Variants in SPOCK3 observed in about 807,000 individuals in gnomAD.
The protein encoded by SPOCK3 is testican-3.
A neutral mutation model predicts 56.6 loss-of-function variants in SPOCK3; 30 were observed. That is an observed-to-expected ratio of 0.53 (90% CI 0.40 to 0.72). The LOEUF is 0.72. SPOCK3 is among the 30% of genes least tolerant of loss of function. SPOCK3 has a pLI of 0.00. For missense variants in SPOCK3, 527 were observed against 530.0 expected (o/e 0.99, Z 0.06); for synonymous variants, 196 against 183.3 (o/e 1.07, Z -0.56).
chr4:166,856,073 A>C (rs545841003), intron 6 of SPOCK3, among the ~76,000 whole-genome samples: 1 of 152,302 alleles, frequency 6.6e-6, no homozygotes, highest in South Asian at 2.1e-4. Context: ...AGAAAGACAA[A>C]TATGGCATGA....
rs544600999 is a variant in SPOCK3, at chr4:166,957,168, C to A, written c.350+43181G>T. 3.3e-5 allele frequency among the ~76,000 whole-genome samples: 5 copies of A among 152,266 alleles called. No homozygotes were observed. The South Asian group carries it at 1.0e-3, about 32-fold the overall frequency. On this transcript the variant is annotated intron_variant, in intron 4 of 10. Transcript: ENST00000357545. Reference sequence around the variant, plus strand: ...TACTGGGAGGCTGAGGTGGGAGGATCACTTGAGCCTAGGAGGCAGAAGTGG... The same window carrying A: ...TACTGGGAGGCTGAGGTGGGAGGATAACTTGAGCCTAGGAGGCAGAAGTGG...
intron 2 of SPOCK3, among the ~76,000 whole-genome samples, chr4:167,104,201 C>T (rs1257417007): frequency 6.6e-6 from 1 of 152,086 alleles, no homozygotes; most frequent in African/African-American, 2.4e-5. Context: ...GCCATCAAGA[C>T]CATCCAGGAA....
At chr4:166,813,082 G>C (rs535583334) in intron 6 of SPOCK3, among the ~76,000 whole-genome samples, 2 of 151,914 alleles carry the variant, frequency 1.3e-5, no homozygotes, top group Non-Finnish European at 2.9e-5. Flanking sequence ...CACTGTTTCA[G>C]ATTAATGTTC....
chr4:166,734,874 T>C lies in SPOCK3; in HGVS notation c.*47A>G, dbSNP rs747728618. 7.4e-7 allele frequency: 1 copy of C among 1,356,976 alleles called. No individual in the cohort carries two copies. Among genetic ancestry groups the C allele is most frequent in the East Asian group, 2.5e-5 (1 of 39,360 alleles). 84.1% of individuals were successfully genotyped at this position (1,356,976 alleles called of 1,614,324 possible). Reference sequence around the variant, plus strand: ...GATAATTTTAAATAGGCTATCATTTTTGTAAATATTAGAAATGTAGAATTT... The same window carrying C: ...GATAATTTTAAATAGGCTATCATTTCTGTAAATATTAGAAATGTAGAATTT... On this transcript the variant is annotated 3_prime_UTR_variant, in exon 11 of 11. Transcript: ENST00000357545.
At chr4:167,125,070 C>T (rs898728269) in intron 2 of SPOCK3, among the ~76,000 whole-genome samples, 1 of 151,896 alleles carries the variant, frequency 6.6e-6, no homozygotes, top group Admixed American at 6.6e-5. Flanking sequence ...AATTTAGTTT[C>T]GTCCCTTGCT....
chr4:166,772,946 G>A (rs1256523346), intron 7 of SPOCK3, among the ~76,000 whole-genome samples: 2 of 152,044 alleles, frequency 1.3e-5, no homozygotes, highest in African/African-American at 2.4e-5. Context: ...AAGCCACCAT[G>A]CCTGGCTAAT....
chr4:167,142,893 C>A (rs879774941), intron 2 of SPOCK3, among the ~76,000 whole-genome samples: 1 of 151,822 alleles, frequency 6.6e-6, no homozygotes. Flanking sequence ...AGGCAACAAA[C>A]GTGTGGATGC....
chr4:166,841,654 A>C (rs1208482782), intron 6 of SPOCK3, among the ~76,000 whole-genome samples: 2 of 125,110 alleles, frequency 1.6e-5, no homozygotes, highest in African/African-American at 7.5e-5. Flanking sequence ...ATGTCCATAA[A>C]TGCCCTTTTG....
intron 2 of SPOCK3, among the ~76,000 whole-genome samples, chr4:167,205,300 ATATATATTATATATTTT>A (rs1733998347): frequency 9.4e-5 from 4 of 42,522 alleles, no homozygotes; most frequent in Non-Finnish European, 1.8e-4. Context: ...TATATCTATA[ATATATATTATATATTTT>A]ATATATATAA....
chr4:167,115,539 T>C lies in SPOCK3; in HGVS notation c.190-53002A>G, dbSNP rs1326708077. ...GTAATACTTGAAATAATTGTTGAGG[T>C]ATTTTTAAAAGTAGTGAAATGTGCT... On this transcript the variant is annotated intron_variant, in intron 2 of 10. Transcript: ENST00000357545. 2.6e-5 allele frequency among the ~76,000 whole-genome samples: 4 copies of C among 152,078 alleles called. No homozygotes were observed. In the East Asian group the frequency reaches 7.7e-4, roughly 29 times the overall value.
chr4:167,125,013 T>C (rs1334573718), intron 2 of SPOCK3, among the ~76,000 whole-genome samples: 2 of 152,140 alleles, frequency 1.3e-5, no homozygotes, highest in Non-Finnish European at 2.9e-5. Flanking sequence ...ACTATCTTAG[T>C]GAAGTCTTTT....
intron 1 of SPOCK3, 22 bp from the exon 2 acceptor site, chr4:167,234,195 G>A (rs764165879): frequency 1.9e-6 from 3 of 1,611,292 alleles, no homozygotes; most frequent in Non-Finnish European, 2.5e-6. Context: ...GACACAACGG[G>A]GGGTGGGGGG....
At chr4:167,101,810 C>T (rs1759677286) in intron 2 of SPOCK3, among the ~76,000 whole-genome samples, 1 of 150,522 alleles carries the variant, frequency 6.6e-6, no homozygotes, top group Admixed American at 6.6e-5. Flanking sequence ...GCAACCTCCA[C>T]CTCCCAGGTT....
intron 2 of SPOCK3, among the ~76,000 whole-genome samples, chr4:167,075,528 G>A (rs1295525360): frequency 6.6e-6 from 1 of 151,934 alleles, no homozygotes; most frequent in Non-Finnish European, 1.5e-5. Flanking sequence ...ATAATAAAAT[G>A]TCACATCTCC....
chr4:167,160,589 C>A (rs1765209353), intron 2 of SPOCK3, among the ~76,000 whole-genome samples: 1 of 151,942 alleles, frequency 6.6e-6, no homozygotes, highest in African/African-American at 2.4e-5. Flanking sequence ...GCCAAGTAAT[C>A]CTAAGCCAAA....
At chr4:167,071,512 T>C (rs113751526) in intron 2 of SPOCK3, among the ~76,000 whole-genome samples, 2,398 of 152,068 alleles carry the variant, frequency 0.016, 68 homozygotes, top group African/African-American at 0.055. Context: ...GTCCTTCTGA[T>C]AGTTTGCTGA....
chr4:167,044,226 C>A (rs536968271), intron 3 of SPOCK3, among the ~76,000 whole-genome samples: 3 of 152,038 alleles, frequency 2.0e-5, no homozygotes, highest in Admixed American at 2.0e-4. Flanking sequence ...AATTTGTGGG[C>A]ACAGAGTTGT....
chr4:166,877,558 T>C (rs574472621), intron 6 of SPOCK3, among the ~76,000 whole-genome samples: 5 of 152,154 alleles, frequency 3.3e-5, no homozygotes, highest in Admixed American at 1.3e-4. Context: ...TTGGTAGGGA[T>C]AGAAGAAAAA....
At chr4:167,174,126 T>A (rs894592013) in intron 2 of SPOCK3, among the ~76,000 whole-genome samples, 6 of 152,096 alleles carry the variant, frequency 3.9e-5, no homozygotes, top group Non-Finnish European at 7.4e-5. Context: ...CAAGAACACA[T>A]GGAATATCCA....
Sources: allele counts gnomAD v4.1 joint callset (sites outside exome capture counted in the v4.1 genomes callset), GRCh38; gene constraint gnomAD v4.1.1; transcripts MANE v1.5; gene names NCBI Gene and HGNC (gene_info 2026-07-23, HGNC 2026-07-21).